UNC13C: variants seen among roughly 807,000 people sequenced by gnomAD.
The protein encoded by UNC13C is protein unc-13 homolog C.
In UNC13C, 174 loss-of-function variants were observed where a neutral mutation model predicts 245.4. The ratio of observed to expected loss-of-function variants is 0.71; its 90% CI spans 0.63 to 0.80. UNC13C has a LOEUF of 0.80. UNC13C is among the 30% of genes least tolerant of loss of function. The pLI is 0.00. For synonymous variants in UNC13C, 992 were observed against 895.1 expected, an observed-to-expected ratio of 1.11 and a Z score of -1.93; for missense variants, 2,829 against 2,602.9, an observed-to-expected ratio of 1.09 and a Z score of -1.89.
At chr15:54,230,224 C>T (rs1028109849) in intron 4 of UNC13C, among the ~76,000 whole-genome samples, 3 of 152,120 alleles carry the variant, frequency 2.0e-5, no homozygotes, top group Admixed American at 6.6e-5. Context: ...GCAAAGGTCC[C>T]TTTTTCTCCA....
At chr15:54,221,259 A>T (rs951434404) in intron 4 of UNC13C, among the ~76,000 whole-genome samples, 1 of 152,068 alleles carries the variant, frequency 6.6e-6, no homozygotes, top group Non-Finnish European at 1.5e-5. Flanking sequence ...GTTGTATAAA[A>T]TAATGAAGAG....
chr15:54,293,154 A>T (rs536518295), intron 10 of UNC13C, among the ~76,000 whole-genome samples: 1 of 151,850 alleles, frequency 6.6e-6, no homozygotes, highest in African/African-American at 2.4e-5. Flanking sequence ...AAATGGTTCA[A>T]TAAGTTGCAG....
intron 30 of UNC13C, among the ~76,000 whole-genome samples, chr15:54,581,634 A>G (rs1898207662): frequency 6.6e-6 from 1 of 152,206 alleles, no homozygotes; most frequent in Admixed American, 6.5e-5. Flanking sequence ...TAGAGGCTTC[A>G]TCTCTAAATA....
Position 54,014,427 on chromosome 15 carries a change from T to TA in UNC13C, c.1528dup (p.Ile510AsnfsTer31). 1 of 1,613,774 alleles carries TA rather than the reference T, an allele frequency of 6.2e-7. No homozygotes were observed. Among genetic ancestry groups the TA allele is most frequent in the Non-Finnish European group, 8.5e-7 (1 of 1,179,836 alleles). On this transcript the variant is annotated frameshift_variant, in exon 2 of 33. Coordinates refer to ENST00000260323, the MANE Select transcript of UNC13C (RefSeq NM_001080534.3). LOFTEE classifies it high-confidence loss of function. The stretch of plus-strand genomic sequence containing the variant: ...GAATTTCAAATAAATCAGATTATGA[T>TA]AAAATCTCCTCACAGTTGCCAGAAT...
intron 19 of UNC13C, among the ~76,000 whole-genome samples, chr15:54,469,790 A>G (rs1892361355): frequency 6.6e-6 from 1 of 151,494 alleles, no homozygotes; most frequent in Non-Finnish European, 1.5e-5. Context: ...TGACTGTACT[A>G]TGCTGAACAG....
At chr15:54,262,314 G>C (rs1157317455) in intron 8 of UNC13C, among the ~76,000 whole-genome samples, 2 of 152,188 alleles carry the variant, frequency 1.3e-5, no homozygotes, top group Admixed American at 6.5e-5. Flanking sequence ...ATTTGGGAGA[G>C]AGTCAACATT....
chr15:54,350,153 G>A (rs776961157), intron 17 of UNC13C, among the ~76,000 whole-genome samples: 1 of 152,068 alleles, frequency 6.6e-6, no homozygotes, highest in Admixed American at 6.6e-5. Context: ...CACCACTCCC[G>A]GCTAATTTTT....
At chr15:54,062,626 G>A (rs893207727) in intron 2 of UNC13C, among the ~76,000 whole-genome samples, 13 of 152,166 alleles carry the variant, frequency 8.5e-5, no homozygotes, top group African/African-American at 2.7e-4. Context: ...TTAGTGTAAA[G>A]CAGTGGTCCT....
At chr15:54,359,044 G>T (rs1244310893) in intron 17 of UNC13C, among the ~76,000 whole-genome samples, 2 of 151,582 alleles carry the variant, frequency 1.3e-5, no homozygotes, top group African/African-American at 4.8e-5. Context: ...AAATTTTATA[G>T]AATTTTTTTT....
intron 4 of UNC13C, among the ~76,000 whole-genome samples, chr15:54,166,963 A>C (rs1037237804): frequency 6.6e-6 from 1 of 152,208 alleles, no homozygotes; most frequent in Non-Finnish European, 1.5e-5. Flanking sequence ...TATTTTTCAC[A>C]AGAATTGACA....
At chr15:54,125,743 A>G (rs1176152609) in intron 2 of UNC13C, among the ~76,000 whole-genome samples, 2 of 152,094 alleles carry the variant, frequency 1.3e-5, no homozygotes, top group African/African-American at 2.4e-5. Flanking sequence ...GTACATGTTC[A>G]TTTTTGATTG....
chr15:54,058,955 C>T (rs1483021119), intron 2 of UNC13C, among the ~76,000 whole-genome samples: 2 of 152,096 alleles, frequency 1.3e-5, no homozygotes, highest in Non-Finnish European at 2.9e-5. Context: ...ATTGACGGGA[C>T]GTATCTCAAA....
intron 2 of UNC13C, among the ~76,000 whole-genome samples, chr15:54,118,721 G>C (rs1011529256): frequency 5.9e-5 from 9 of 151,962 alleles, no homozygotes; most frequent in African/African-American, 2.2e-4. Flanking sequence ...TCTTGTTCTA[G>C]GTTTTTGAGG....
chr15:54,509,976 T>C (rs1894663676), intron 23 of UNC13C, among the ~76,000 whole-genome samples: 1 of 152,326 alleles, frequency 6.6e-6, no homozygotes, highest in East Asian at 1.9e-4. Context: ...TGAGCCAAAC[T>C]GTCCATGTTC....
At chr15:53,868,459 T>G in the UNC13C span, among the ~76,000 whole-genome samples, 36 of 152,130 alleles carry the variant, frequency 2.4e-4, no homozygotes, top group African/African-American at 8.2e-4. Context: ...TGGAGGTGAA[T>G]GCTGGGTCAA....
the UNC13C span, among the ~76,000 whole-genome samples, chr15:53,864,733 T>G: frequency 4.6e-5 from 7 of 152,336 alleles, no homozygotes; most frequent in African/African-American, 1.7e-4. Flanking sequence ...CTTCCTAGAT[T>G]GTGTTATTTG....
intron 2 of UNC13C, among the ~76,000 whole-genome samples, chr15:54,098,666 A>C (rs1900009162): frequency 6.6e-6 from 1 of 152,222 alleles, no homozygotes; most frequent in African/African-American, 2.4e-5. Context: ...ATCATAATAA[A>C]TTACATTTTT....
At chr15:54,090,627 T>C (rs1395548360) in intron 2 of UNC13C, among the ~76,000 whole-genome samples, 2 of 152,212 alleles carry the variant, frequency 1.3e-5, no homozygotes, top group East Asian at 3.9e-4. Flanking sequence ...AGGAAGTTAT[T>C]CTGTACACTC....
intron 4 of UNC13C, among the ~76,000 whole-genome samples, chr15:54,202,525 C>A (rs1362323301): frequency 2.0e-5 from 3 of 151,938 alleles, no homozygotes; most frequent in Admixed American, 2.0e-4. Context: ...ATACTTAGAG[C>A]CAACTGATCT....
Sources: allele counts gnomAD v4.1 joint callset (sites outside exome capture counted in the v4.1 genomes callset), GRCh38; gene constraint gnomAD v4.1.1; transcripts MANE v1.5; gene names NCBI Gene and HGNC (gene_info 2026-07-23, HGNC 2026-07-21).